The following LZTR1 variants were observed in gnomAD, a reference collection of about 807,000 sequenced individuals.
LZTR1 encodes the protein leucine zipper like post translational regulator 1, also known as leucine-zipper-like transcriptional regulator 1.
LZTR1 carries 260 observed loss-of-function variants against 105.7 expected under a neutral mutation model. The ratio of observed to expected loss-of-function variants is 2.46; its 90% CI spans 2.22 to 2.72. The LOEUF (loss-of-function observed/expected upper bound fraction) is 2.72. Among genes scored for constraint, LZTR1 ranks in the 30% most tolerant of loss-of-function variants. The pLI is 0.00. For missense variants in LZTR1, 1,214 were observed against 1,166.9 expected, an observed-to-expected ratio of 1.04 and a Z score of -0.59; for synonymous variants, 490 against 476.4, an observed-to-expected ratio of 1.03 and a Z score of -0.37.
intron 6 of LZTR1, among the ~76,000 whole-genome samples, chr22:20,989,233 C>T (rs1924509960): frequency 6.6e-6 from 1 of 152,242 alleles, no homozygotes; most frequent in East Asian, 1.9e-4. Context: ...GTTGGCTTTG[C>T]TCTCTTTTTC....
At position 20,996,051 on chromosome 22, in the gene LZTR1, T is replaced by G. The variant is rs1444173399; in HGVS notation, c.2158T>G (p.Phe720Val). The G allele has an allele frequency of 6.2e-7, 1 of 1,613,492 alleles. No individual in the cohort carries two copies. Among genetic ancestry groups the G allele is most frequent in the African/African-American group, 1.3e-5 (1 of 75,014 alleles). Residue 720 changes from phenylalanine to valine, a missense_variant, in exon 18 of 21, where the codon TTC becomes GTC. Physicochemically the swap from Phe to Val is conservative, Grantham distance 50 (BLOSUM62 -1). Coordinates refer to ENST00000646124, the MANE Select transcript of LZTR1 (RefSeq NM_006767.4). Reference sequence around the variant, plus strand: ...GGAGATGGTGCCCAGCAGGCAGGCCTTCGAGTCCATGCTGCGCTACATCTA... The same window carrying G: ...GGAGATGGTGCCCAGCAGGCAGGCCGTCGAGTCCATGCTGCGCTACATCTA... ...IGEMVPSRQA[F>V]ESMLRYIYYG...
chr22:20,989,610 T>C lies in LZTR1; in HGVS notation c.594-15T>C. 1 of 1,612,394 alleles carries C rather than the reference T, an allele frequency of 6.2e-7. No individual in the cohort carries two copies. The highest frequency in any genetic ancestry group is 8.5e-7 in the Non-Finnish European group (1 of 1,178,752). ...ACCAGACCCAAGGGGTCCTCACTGG[T>C]CTGTCCTAATACAGGTTGAATGACA... On this transcript the variant is annotated splice_polypyrimidine_tract_variant and intron_variant, in intron 6 of 20. Coordinates refer to ENST00000646124, the MANE Select transcript of LZTR1 (RefSeq NM_006767.4).
In LZTR1 at chr22:20,998,613, A is replaced by G. The variant is rs542611039; in HGVS notation, c.*1265A>G. 1 of 152,762 alleles carries G rather than the reference A, an allele frequency of 6.5e-6. No homozygotes were observed. The highest frequency in any genetic ancestry group is 2.1e-4 in the South Asian group (1 of 4,832). The allele number at this position is 152,762 out of a possible 1,614,324, so 9.5% of individuals were successfully genotyped here. ...CTTAGCTAACAGGAGATCCATAGGC[A>G]GCCTGCAGGCTAGGAAGTGGCCTAG... On this transcript the variant is annotated 3_prime_UTR_variant, in exon 21 of 21. Coordinates refer to ENST00000646124, the MANE Select transcript of LZTR1 (RefSeq NM_006767.4).
At chr22:20,988,162 G>T (rs190786562) in intron 5 of LZTR1, 44 bp downstream of exon 5, 645 of 1,321,580 alleles carry the variant, frequency 4.9e-4, no homozygotes, top group Non-Finnish European at 6.4e-4. Context: ...TGGGTCCTGG[G>T]TGGCATTGGA....
chr22:20,995,557 C>A, intron 16 of LZTR1, 189 bp from the exon 17 acceptor site: 2 of 755,954 alleles, frequency 2.6e-6, no homozygotes, highest in Non-Finnish European at 4.7e-6. Flanking sequence ...GGGCATAGTG[C>A]TTGAGTCGGC....
Position 20,997,243 on chromosome 22 carries a change from G to C in LZTR1, c.2418G>C (p.Leu806Phe), listed in dbSNP as rs2147970913. The change falls in exon 21 of 21, where the codon TTG becomes TTC. Residue 806 changes from leucine to phenylalanine, a missense_variant. Transcript: ENST00000646124. Reference sequence around the variant, plus strand: ...TGCTTGCCTTACAGGTCTCCAAGTTGCCCACCCTGCGGTCGCTGAGCCAGC... The same window carrying C: ...TGCTTGCCTTACAGGTCTCCAAGTTCCCCACCCTGCGGTCGCTGAGCCAGC... ...IVHQFTKVSK[L>F]PTLRSLSQQL... The C allele has an allele frequency of 6.2e-7, 1 of 1,612,730 alleles. No individual in the cohort carries two copies. Among genetic ancestry groups the C allele is most frequent in the Non-Finnish European group, 8.5e-7 (1 of 1,178,886 alleles).
chr22:20,996,140 G>C, intron 18 of LZTR1, 28 bp downstream of exon 18: 1 of 1,606,324 alleles, frequency 6.2e-7, no homozygotes, highest in Non-Finnish European at 8.5e-7. Flanking sequence ...TGAACTCCCA[G>C]GTCCCCACCA....
chr22:20,989,020 G>A, intron 6 of LZTR1, 148 bp downstream of exon 6: 1 of 700,328 alleles, frequency 1.4e-6, no homozygotes, highest in Non-Finnish European at 2.5e-6. Context: ...TCTTGGGAGG[G>A]GGATGGGGAA....
In LZTR1 at chr22:20,987,579, C is replaced by T. The variant is rs1601717032; in HGVS notation, c.396C>T (p.Val132=). ...TCGTCTATGGGAGCAGCATGTTTGT[C>T]TTTGGTAAGCAGCCTCTTGCCTCCC... The part of the protein sequence containing the change: ...SAVVYGSSMF[V]FGGYTGDIYS... Residue 132 remains valine, a synonymous_variant, in exon 4 of 21, where the codon GTC becomes GTT. Coordinates refer to ENST00000646124, the MANE Select transcript of LZTR1 (RefSeq NM_006767.4). 2 of 1,613,938 alleles carry T rather than the reference C, an allele frequency of 1.2e-6. No homozygotes were observed. The highest frequency in any genetic ancestry group is 1.3e-5 in the African/African-American group (1 of 74,924).
In LZTR1 at chr22:20,991,537, G is replaced by A. The variant is rs1924604431; in HGVS notation, c.792-91G>A. 9 of 1,024,782 alleles carry A rather than the reference G, an allele frequency of 8.8e-6. No individual in the cohort carries two copies. The South Asian group carries it at 1.4e-4, about 16-fold the overall frequency. The allele number at this position is 1,024,782 out of a possible 1,614,324, so 63.5% of individuals were successfully genotyped here. On this transcript the variant is annotated intron_variant, in intron 8 of 20. Transcript: ENST00000646124. ...GGCTAGTCACCGTAAGGGATGCAGG[G>A]GGACCTCCCAGTGAAGGCCTGCTGT...
chr22:20,994,074 G>A, intron 13 of LZTR1, 30 bp from the exon 14 acceptor site: 1 of 1,580,636 alleles, frequency 6.3e-7, no homozygotes. Flanking sequence ...GTGTCCACTG[G>A]GGTGTCCTTG....
At position 20,991,705 on chromosome 22, in the gene LZTR1, T is replaced by A; in HGVS notation, c.869T>A (p.Val290Glu). ...CAGCGGCGCTACGGGCATACCATGG[T>A]GGCCTTTGACCGCCACCTCTATGTG... ...PPQRRYGHTM[V>E]AFDRHLYVFG... is the part of the protein sequence containing the mutation. Residue 290 changes from valine (V) to glutamate (E), a missense_variant, in exon 9 of 21, where the codon GTG (valine) becomes GAG (glutamate). Transcript: ENST00000646124. 6.3e-7 allele frequency: 1 copy of A among 1,596,598 alleles called. No homozygotes were observed. Among genetic ancestry groups the A allele is most frequent in the Non-Finnish European group, 8.5e-7 (1 of 1,172,548 alleles).
At chr22:20,984,776 G>T (rs899313403) in intron 2 of LZTR1, among the ~76,000 whole-genome samples, 2 of 152,150 alleles carry the variant, frequency 1.3e-5, no homozygotes, top group African/African-American at 2.4e-5. Context: ...CGTTCAGGGG[G>T]CACCCAGCAC....
intron 5 of LZTR1, among the ~76,000 whole-genome samples, 192 bp from the exon 6 acceptor site, chr22:20,988,597 C>A (rs941951287): frequency 1.3e-5 from 2 of 152,178 alleles, no homozygotes; most frequent in Non-Finnish European, 2.9e-5. Flanking sequence ...TGTCTGAATT[C>A]CTCTTCAAGC....
chr22:20,994,555 C>T lies in LZTR1; in HGVS notation c.1616-3C>T. The T allele has an allele frequency of 6.2e-7, 1 of 1,608,094 alleles. No homozygotes were observed. On this transcript the variant is annotated splice_polypyrimidine_tract_variant and splice_region_variant and intron_variant, in intron 14 of 20. Transcript: ENST00000646124. ...CCTGAGATTCGGGGGCTCTGGGGCG[C>T]AGGCCATGTGGAGGATGTGCTGCTC...
Position 20,996,098 on chromosome 22 carries a change from G to A in LZTR1, c.2205G>A (p.Pro735=), listed in dbSNP as rs368690209. 45 of 1,612,482 alleles carry A rather than the reference G, an allele frequency of 2.8e-5. No homozygotes were observed. In the African/African-American group the frequency reaches 3.7e-4, roughly 13 times the overall value. ...TCTACTACGGCGAGGTCAACATGCCGCCCGAGGACTCGCTGCATCCTCACT... is the reference window on the plus strand; with the variant it reads ...TCTACTACGGCGAGGTCAACATGCCACCCGAGGACTCGCTGCATCCTCACT... ...RYIYYGEVNM[P]PEDSLYLFAA... is the part of the protein sequence containing the mutation. The change falls in exon 18 of 21, where the codon CCG becomes CCA. Residue 735 remains proline, a synonymous_variant. Coordinates refer to ENST00000646124, the MANE Select transcript of LZTR1 (RefSeq NM_006767.4).
chr22:20,987,722 C>A, intron 4 of LZTR1, 139 bp downstream of exon 4: 1 of 792,862 alleles, frequency 1.3e-6, no homozygotes, highest in South Asian at 1.6e-5. Flanking sequence ...GTCTGCCAGT[C>A]TTCGGAATTC....
rs774401447 is a variant in LZTR1 at position 20,995,749 on chromosome 22, C to T, written c.1946C>T (p.Thr649Ile). Residue 649 changes from threonine to isoleucine, a missense_variant, in exon 17 of 21, where the codon ACA becomes ATA. Thr to Ile is a moderately conservative substitution (Grantham distance 89). Transcript: ENST00000646124. ...TCAGGGACCCTCCTACCCCCAGGCACATCTCTGATCCAGGACATGAAGGCA... is the reference window on the plus strand; with the variant it reads ...TCAGGGACCCTCCTACCCCCAGGCATATCTCTGATCCAGGACATGAAGGCA... ...TPLDQPVDIG[T>I]SLIQDMKAYL... The T allele has an allele frequency of 6.2e-7, 1 of 1,613,578 alleles. No individual in the cohort carries two copies. Among genetic ancestry groups the T allele is most frequent in the Non-Finnish European group, 8.5e-7 (1 of 1,179,996 alleles).
At chr22:20,985,049 CT>C (rs1569153543) in intron 2 of LZTR1, among the ~76,000 whole-genome samples, 2 of 143,502 alleles carry the variant, frequency 1.4e-5, no homozygotes, top group African/African-American at 5.3e-5. Context: ...GAAAGCAAGA[CT>C]TCGTTTCTAT....
Sources: allele counts gnomAD v4.1 joint callset (sites outside exome capture counted in the v4.1 genomes callset), GRCh38; gene constraint gnomAD v4.1.1; transcripts MANE v1.5; gene names NCBI Gene and HGNC (gene_info 2026-07-23, HGNC 2026-07-21).